FBN2: variants seen among roughly 807,000 people sequenced by gnomAD.
FBN2 encodes fibrillin-2.
In FBN2, 105 loss-of-function variants were observed where a neutral mutation model predicts 355.6. The ratio of observed to expected loss-of-function variants is 0.30; its 90% CI spans 0.25 to 0.35. The LOEUF is 0.35. Among genes scored for constraint, FBN2 ranks in the 10% least tolerant of loss-of-function variants. The pLI, the probability that FBN2 is intolerant of heterozygous loss-of-function variation, is 1.00. For missense variants in FBN2, 3,280 were observed against 3,758.7 expected, an observed-to-expected ratio of 0.87 and a Z score of 3.33; for synonymous variants, 1,350 against 1,301.2, an observed-to-expected ratio of 1.04 and a Z score of -0.81.
chr5:128,355,635 T>C (rs1467435397), intron 20 of FBN2, among the ~76,000 whole-genome samples: 1 of 152,234 alleles, frequency 6.6e-6, no homozygotes, highest in Non-Finnish European at 1.5e-5. Context: ...AGTCCTATTA[T>C]ACATTCATGA....
intron 23 of FBN2, among the ~76,000 whole-genome samples, chr5:128,348,302 T>A (rs1751242849): frequency 6.6e-6 from 1 of 152,200 alleles, no homozygotes; most frequent in Non-Finnish European, 1.5e-5. Context: ...TACTTATTTC[T>A]AAACATTGTA....
rs1266955223 is a variant in FBN2 at position 128,335,903 on chromosome 5, T to C, written c.3724+85A>G. 6 of 1,407,756 alleles carry C rather than the reference T, an allele frequency of 4.3e-6. No homozygotes were observed. The Admixed American group carries it at 9.2e-5, about 22-fold the overall frequency. The allele number at this position is 1,407,756 out of a possible 1,614,324, so 87.2% of individuals were successfully genotyped here. On this transcript the variant is annotated intron_variant, in intron 28 of 64. Coordinates refer to ENST00000262464, the MANE Select transcript of FBN2 (RefSeq NM_001999.4). ...TCATTTTTGGGACAAAGGATTTGCA[T>C]AGCCTTCATTATAATTCAGCGCCAA... is the stretch of plus-strand genomic sequence containing the variant.
rs754623106 is a variant in FBN2 at position 128,393,400 on chromosome 5, G to A, written c.1232-32C>T. On this transcript the variant is annotated intron_variant, in intron 9 of 64. Transcript: ENST00000262464. ...GAAAAGAAAGTTGGCATTAAGCACAGGTGAATGTCTTTCTGCATAACAAAA... is the reference window on the plus strand; with the variant it reads ...GAAAAGAAAGTTGGCATTAAGCACAAGTGAATGTCTTTCTGCATAACAAAA... 4 of 1,581,536 alleles carry A rather than the reference G, an allele frequency of 2.5e-6. No individual in the cohort carries two copies. The African/African-American group carries it at 4.0e-5, about 16-fold the overall frequency.
At chr5:128,325,313 A>C (rs750528245) in intron 34 of FBN2, among the ~76,000 whole-genome samples, 8 of 152,192 alleles carry the variant, frequency 5.3e-5, no homozygotes, top group Non-Finnish European at 1.2e-4. Context: ...ATATATATTT[A>C]GGACAGTTAG....
At chr5:128,481,469 A>G (rs1376007606) in intron 5 of FBN2, among the ~76,000 whole-genome samples, 1 of 152,214 alleles carries the variant, frequency 6.6e-6, no homozygotes, top group Non-Finnish European at 1.5e-5. Flanking sequence ...ATTATGGCAC[A>G]GAGTACAAGT....
chr5:128,394,272 A>T (rs1752591983), intron 9 of FBN2, among the ~76,000 whole-genome samples: 2 of 152,200 alleles, frequency 1.3e-5, no homozygotes, highest in Non-Finnish European at 2.9e-5. Flanking sequence ...TTATGTGAGA[A>T]ACATTAATTT....
intron 34 of FBN2, among the ~76,000 whole-genome samples, chr5:128,326,347 T>G (rs576025796): frequency 2.3e-4 from 35 of 152,306 alleles, no homozygotes; most frequent in African/African-American, 8.4e-4. Flanking sequence ...GTTGATGAAC[T>G]TAGCCTTTGC....
chr5:128,310,384 ATATATATATATATATATATT>A (rs1314961448), intron 39 of FBN2, among the ~76,000 whole-genome samples: 23 of 13,412 alleles, frequency 1.7e-3, no homozygotes, highest in Non-Finnish European at 3.0e-3. Context: ...ATATATATAT[ATATATATATATATATATATT>A]TTTTTTTTTT....
intron 8 of FBN2, among the ~76,000 whole-genome samples, chr5:128,406,382 T>C (rs1010940282): frequency 6.6e-6 from 1 of 152,228 alleles, no homozygotes; most frequent in African/African-American, 2.4e-5. Flanking sequence ...CACAATTTCA[T>C]GGATAGACTT....
chr5:128,384,120 A>AT (rs1035381206), intron 11 of FBN2, among the ~76,000 whole-genome samples: 45 of 152,220 alleles, frequency 3.0e-4, no homozygotes, highest in African/African-American at 9.9e-4. Context: ...GAAATAAATG[A>AT]TTTTTCCCAC....
chr5:128,449,364 C>T (rs1754161634), intron 6 of FBN2, among the ~76,000 whole-genome samples: 1 of 128,358 alleles, frequency 7.8e-6, no homozygotes, highest in South Asian at 2.4e-4. Context: ...ATATAGTATA[C>T]TGTATAATTT....
intron 19 of FBN2, among the ~76,000 whole-genome samples, chr5:128,360,169 A>G (rs1247399906): frequency 1.3e-5 from 2 of 152,124 alleles, no homozygotes; most frequent in African/African-American, 4.8e-5. Context: ...CAGGAAAAAC[A>G]AAAACCTTTG....
chr5:128,511,228 G>A (rs181358920), intron 5 of FBN2, among the ~76,000 whole-genome samples: 25 of 152,188 alleles, frequency 1.6e-4, no homozygotes, highest in Admixed American at 5.2e-4. Context: ...TATTTTGTTT[G>A]CCACTCCAGA....
Position 128,378,752 on chromosome 5 carries a change from T to C in FBN2, c.1723+19A>G, listed in dbSNP as rs769698808. The stretch of plus-strand genomic sequence containing the variant: ...ATATTTCATGGAACATTTTCATATG[T>C]GAAAGCAAACTGCCTTACCAATGCA... On this transcript the variant is annotated intron_variant, in intron 12 of 64. Transcript: ENST00000262464. 2 of 1,612,586 alleles carry C rather than the reference T, an allele frequency of 1.2e-6. No homozygotes were observed. Among genetic ancestry groups the C allele is most frequent in the Non-Finnish European group, 1.7e-6 (2 of 1,179,064 alleles).
chr5:128,475,705 G>T (rs1754991100), intron 5 of FBN2, among the ~76,000 whole-genome samples: 1 of 152,018 alleles, frequency 6.6e-6, no homozygotes, highest in Admixed American at 6.6e-5. Flanking sequence ...CTGAATTTCT[G>T]AACTCTGAAA....
intron 25 of FBN2, 197 bp from the exon 26 acceptor site, chr5:128,339,258 C>T: frequency 1.7e-6 from 1 of 579,496 alleles, no homozygotes; most frequent in Non-Finnish European, 3.1e-6. Context: ...GCCATGCCAA[C>T]AGGCAAGTGG....
chr5:128,357,330 T>G lies in FBN2; in HGVS notation c.2620A>C (p.Asn874His), dbSNP rs1297639505. The G allele has an allele frequency of 4.3e-6, 7 of 1,613,874 alleles. No individual in the cohort carries two copies. The highest frequency in any genetic ancestry group is 3.3e-5 in the Admixed American group (2 of 59,990). ...GACRNNLGSFNCECSPGSKLS... is the reference protein window; with the variant it reads ...GACRNNLGSFHCECSPGSKLS... ...TTGCTGCCGGGCGAACATTCACAATTGAAAGATCCAAGGTTGTTTCTGCAG... is the reference window on the plus strand; with the variant it reads ...TTGCTGCCGGGCGAACATTCACAATGGAAAGATCCAAGGTTGTTTCTGCAG... The change falls in exon 20 of 65, where the codon AAT becomes CAT. Residue 874 changes from asparagine (N) to histidine (H), a missense_variant. Asn to His is a moderately conservative substitution (Grantham distance 68). This residue lies in a region of FBN2 where 2,284 missense variants were observed against 2,749.5 expected (regional missense o/e 0.83). Transcript: ENST00000262464.
chr5:128,269,479 A>G (rs1468935792), intron 62 of FBN2, among the ~76,000 whole-genome samples: 1 of 151,320 alleles, frequency 6.6e-6, no homozygotes, highest in African/African-American at 2.4e-5. Flanking sequence ...CAAAAACCCA[A>G]CAAACCATTG....
chr5:128,395,048 A>G (rs1321561726), intron 9 of FBN2, 74 bp downstream of exon 9: 4 of 1,560,654 alleles, frequency 2.6e-6, no homozygotes, highest in Non-Finnish European at 2.6e-6. Flanking sequence ...GGTCTCCCAG[A>G]GAGCAAAATA....
Sources: gnomAD v4.1 joint callset for allele counts (sites outside exome capture counted in the v4.1 genomes callset) on GRCh38, gnomAD v4.1.1 for gene constraint, gnomAD v4.1.1 regional missense constraint, MANE v1.5 for transcripts, NCBI Gene and HGNC (gene_info 2026-07-23, HGNC 2026-07-21) for gene names.